The following ACYP2 variants were observed in gnomAD, a reference collection of about 807,000 sequenced individuals.
ACYP2 encodes the protein acylphosphatase 2.
A neutral mutation model predicts 11.2 loss-of-function variants in ACYP2; 12 were observed. The ratio of observed to expected loss-of-function variants is 1.08; its 90% CI spans 0.69 to 1.74. The LOEUF (loss-of-function observed/expected upper bound fraction) is 1.74. Among genes scored for constraint, ACYP2 ranks in the 40% most tolerant of loss-of-function variants. The probability of loss-of-function intolerance (pLI) is 0.00; values close to 1 mark genes in which losing one functional copy is unlikely to be tolerated. For missense variants in ACYP2, 134 were observed against 101.9 expected, an observed-to-expected ratio of 1.31 and a Z score of -1.35; for synonymous variants, 43 against 32.2, an observed-to-expected ratio of 1.33 and a Z score of -1.13.
chr2:54,201,670 CTTTCTTTCTTTCTCTCTCTCTCTCTCTCT>C (rs1684828996), intron 6 of ACYP2, among the ~76,000 whole-genome samples: 1 of 103,658 alleles, frequency 9.6e-6, no homozygotes, highest in Non-Finnish European at 2.0e-5. Flanking sequence ...TTCTTTCTTT[CTTTCTTTCTTTCTCTCTCTCTCTCTCTCT>C]TTTTTCTTTT....
chr2:54,233,601 T>A (rs1277690245), intron 6 of ACYP2, among the ~76,000 whole-genome samples: 6 of 152,108 alleles, frequency 3.9e-5, no homozygotes, highest in Non-Finnish European at 7.4e-5. Context: ...CCAACATGCC[T>A]GGCCCCAAAC....
rs577260251 is a variant in ACYP2, at chr2:54,194,134, G to A, written c.404+55386G>A. Among the ~76,000 whole-genome samples, 8 of 152,170 alleles carry A rather than the reference G, an allele frequency of 5.3e-5. No homozygotes were observed. The East Asian group carries it at 1.5e-3, about 29-fold the overall frequency. On this transcript the variant is annotated intron_variant, in intron 6 of 6. Transcript: ENST00000607452. ...GCTCACTGCAACCTCTGTCTCCCAG[G>A]TTCAAGTGATTTCTCCTGCCTCAGC...
At chr2:54,038,353 G>GT (rs890709259) in intron 2 of ACYP2, among the ~76,000 whole-genome samples, 68 of 151,446 alleles carry the variant, frequency 4.5e-4, no homozygotes, top group Admixed American at 7.9e-4. Context: ...CATACTCTTT[G>GT]TTTTTTTTGC....
At chr2:54,034,833 A>AC (rs973109102) in intron 2 of ACYP2, among the ~76,000 whole-genome samples, 28 of 151,608 alleles carry the variant, frequency 1.8e-4, no homozygotes, top group African/African-American at 6.5e-4. Flanking sequence ...ACATAGTAAA[A>AC]CCCCGTCTCT....
intron 2 of ACYP2, among the ~76,000 whole-genome samples, chr2:54,040,049 C>T (rs1475326398): frequency 6.6e-6 from 1 of 152,060 alleles, no homozygotes; most frequent in Non-Finnish European, 1.5e-5. Context: ...AGAATCTCAA[C>T]ATGTCAAAGA....
intron 2 of ACYP2, among the ~76,000 whole-genome samples, chr2:54,033,370 G>C (rs938440562): frequency 6.6e-6 from 1 of 151,256 alleles, no homozygotes; most frequent in Non-Finnish European, 1.5e-5. Context: ...GCTAATTTTT[G>C]TGTGTGTTTT....
At chr2:54,256,117 G>A in intron 6 of ACYP2, 1 of 1,614,074 alleles carries the variant, frequency 6.2e-7, no homozygotes, top group Non-Finnish European at 8.5e-7. Flanking sequence ...ATAGTCGAGA[G>A]TAGCGGGGCT....
At chr2:54,033,597 T>A (rs147674344) in intron 2 of ACYP2, among the ~76,000 whole-genome samples, 30 of 152,208 alleles carry the variant, frequency 2.0e-4, no homozygotes, top group Non-Finnish European at 4.4e-5. Context: ...TTGCCTAATG[T>A]GTGAGAAACA....
chr2:54,302,373 T>C (rs927922402), intron 6 of ACYP2, among the ~76,000 whole-genome samples: 1 of 152,140 alleles, frequency 6.6e-6, no homozygotes, highest in Non-Finnish European at 1.5e-5. Flanking sequence ...CCCTCTCTAC[T>C]TCCTGAGGGC....
At chr2:54,271,542 T>G (rs1688303480) in intron 6 of ACYP2, among the ~76,000 whole-genome samples, 1 of 152,066 alleles carries the variant, frequency 6.6e-6, no homozygotes, top group Non-Finnish European at 1.5e-5. Context: ...TGTGATTTCA[T>G]CCCAAATCAA....
At chr2:54,206,240 CGTT>C (rs1384141908) in intron 6 of ACYP2, among the ~76,000 whole-genome samples, 1 of 152,096 alleles carries the variant, frequency 6.6e-6, no homozygotes, top group Non-Finnish European at 1.5e-5. Flanking sequence ...CTCAGTATAT[CGTT>C]GTAATTTATT....
At chr2:54,181,113 T>C (rs1178054344) in intron 6 of ACYP2, among the ~76,000 whole-genome samples, 1 of 152,224 alleles carries the variant, frequency 6.6e-6, no homozygotes, top group Non-Finnish European at 1.5e-5. Context: ...AAGAAACTAC[T>C]ATGTTCAAAA....
chr2:54,204,880 C>G (rs1685007393), intron 6 of ACYP2, among the ~76,000 whole-genome samples: 1 of 152,040 alleles, frequency 6.6e-6, no homozygotes. Context: ...TGTGATAGTT[C>G]CTTTGCTTCA....
intron 6 of ACYP2, among the ~76,000 whole-genome samples, chr2:54,185,137 C>G (rs1364901730): frequency 6.6e-6 from 1 of 152,172 alleles, no homozygotes; most frequent in African/African-American, 2.4e-5. Flanking sequence ...TATGCCAGGT[C>G]TATGGGTGCC....
Position 54,090,492 on chromosome 2 carries a change from G to A in ACYP2, c.277+33132G>A, listed in dbSNP as rs906953866. On this transcript the variant is annotated intron_variant, in intron 4 of 6. Coordinates refer to ENST00000607452, the MANE Select transcript of ACYP2 (RefSeq NM_001320586.2). ...AAAAAAATACAAAAATTAGCTGGGC[G>A]GGGTGGCGTGCGCCTGGATTCCCAG... Among the ~76,000 whole-genome samples, 5 of 152,120 alleles carry A rather than the reference G, an allele frequency of 3.3e-5. No individual in the cohort carries two copies. The South Asian group carries it at 8.3e-4, about 25-fold the overall frequency.
chr2:54,178,367 TGC>T (rs546936730), intron 6 of ACYP2, among the ~76,000 whole-genome samples: 156 of 152,318 alleles, frequency 1.0e-3, no homozygotes, highest in African/African-American at 3.7e-3. Context: ...TATCCAGTAG[TGC>T]TAAGAGATTT....
chr2:54,250,213 C>T (rs1295315252), intron 6 of ACYP2, among the ~76,000 whole-genome samples: 2 of 152,174 alleles, frequency 1.3e-5, no homozygotes, highest in East Asian at 3.8e-4. Flanking sequence ...GGCGTGGTGG[C>T]TCACGCTATA....
intron 2 of ACYP2, among the ~76,000 whole-genome samples, chr2:53,996,951 C>A: frequency 6.6e-6 from 1 of 152,126 alleles, no homozygotes; most frequent in East Asian, 1.9e-4. Context: ...AAAATAAAGC[C>A]CAGACTATTT....
chr2:54,116,024 G>C (rs1311759993), intron 4 of ACYP2, among the ~76,000 whole-genome samples: 1 of 152,164 alleles, frequency 6.6e-6, no homozygotes, highest in African/African-American at 2.4e-5. Context: ...GTGGGCGGCT[G>C]CTGGGTGCGG....
Sources: allele counts gnomAD v4.1 joint callset (sites outside exome capture counted in the v4.1 genomes callset), GRCh38; gene constraint gnomAD v4.1.1; transcripts MANE v1.5; gene names NCBI Gene and HGNC (gene_info 2026-07-23, HGNC 2026-07-21).